The following MICAL2 variants were observed in gnomAD, a reference collection of about 807,000 sequenced individuals.
MICAL2 encodes [F-actin]-monooxygenase MICAL2.
A neutral mutation model predicts 127.3 loss-of-function variants in MICAL2; 77 were observed. That is an observed-to-expected ratio of 0.60 (90% confidence interval 0.50 to 0.73). The LOEUF (loss-of-function observed/expected upper bound fraction) is 0.73. MICAL2 is among the 30% of genes least tolerant of loss of function. The pLI is 0.00. For missense variants in MICAL2, 1,351 were observed against 1,434.4 expected, an observed-to-expected ratio of 0.94 and a Z score of 0.94; for synonymous variants, 570 against 551.1, an observed-to-expected ratio of 1.03 and a Z score of -0.48.
chr11:12,276,243 C>T lies in MICAL2; in HGVS notation c.87+77C>T. On this transcript the variant is annotated intron_variant, in intron 1 of 2. Transcript: ENST00000529028. ...AATCACATTTGGGATTGGGTCTTCTCTCTACTTGCTTGCAGTGTGGCCTCT... is the reference window on the plus strand; with the variant it reads ...AATCACATTTGGGATTGGGTCTTCTTTCTACTTGCTTGCAGTGTGGCCTCT... The T allele has an allele frequency of 5.0e-6, 2 of 398,480 alleles. 1 individual carries two copies. Among genetic ancestry groups the T allele is most frequent in the Non-Finnish European group, 8.8e-6 (2 of 226,084 alleles). The allele number at this position is 398,480 out of a possible 1,614,324, so 24.7% of individuals were successfully genotyped here. A position where few individuals can be genotyped will look rare whatever the true frequency, so the allele number is the denominator to read the frequency against.
intron 15 of MICAL2, among the ~76,000 whole-genome samples, chr11:12,235,923 C>G (rs887917300): frequency 6.6e-6 from 1 of 152,210 alleles, no homozygotes; most frequent in Non-Finnish European, 1.5e-5. Context: ...GTAATTCCAG[C>G]CCCTTCTGAC....
At chr11:12,261,316 A>C (rs1442793326) in intron 26 of MICAL2, 1 of 985,410 alleles carries the variant, frequency 1.0e-6, no homozygotes, top group African/African-American at 1.7e-5. Context: ...AAGCTCTACC[A>C]TATCTTGACT....
intron 15 of MICAL2, among the ~76,000 whole-genome samples, chr11:12,234,784 G>A (rs1471852760): frequency 6.6e-6 from 1 of 152,208 alleles, no homozygotes; most frequent in East Asian, 1.9e-4. Context: ...ATGCGTACTG[G>A]GTTGTGTGTT....
chr11:12,185,562 A>ATG (rs1565119005), intron 3 of MICAL2, among the ~76,000 whole-genome samples: 1 of 152,034 alleles, frequency 6.6e-6, no homozygotes, highest in Non-Finnish European at 1.5e-5. Context: ...CAAGTCTCTG[A>ATG]TGTGTGTTAG....
upstream of MICAL2, among the ~76,000 whole-genome samples, chr11:12,273,153 T>C (rs1863690686): frequency 6.6e-6 from 1 of 152,232 alleles, no homozygotes; most frequent in Non-Finnish European, 1.5e-5. Context: ...CCCCGTCCTC[T>C]GACAGAATAC....
At chr11:12,299,921 T>G (rs1314967900) in intron 29 of MICAL2, among the ~76,000 whole-genome samples, 1 of 152,198 alleles carries the variant, frequency 6.6e-6, no homozygotes, top group East Asian at 1.9e-4. Context: ...TTATAAAAAT[T>G]GAATCATTCA....
chr11:12,259,416 A>G (rs1354995095), intron 25 of MICAL2, among the ~76,000 whole-genome samples: 3 of 152,246 alleles, frequency 2.0e-5, no homozygotes, highest in Non-Finnish European at 4.4e-5. Context: ...TAAATGGTCA[A>G]TAATTTACTT....
rs141136512 is a variant in MICAL2 at position 12,241,120 on chromosome 11, G to A, written c.2295G>A (p.Pro765=). ...CTGTTCACTCTTGCTGCCCCAAGCCGGAGGAGGCCACACCCAGCCCATCAC... is the reference window on the plus strand; with the variant it reads ...CTGTTCACTCTTGCTGCCCCAAGCCAGAGGAGGCCACACCCAGCCCATCAC... ...GPPVHSCCPK[P]EEATPSPSPP... The change falls in exon 18 of 28, where the codon CCG becomes CCA. Residue 765 remains proline (P), a synonymous_variant. Transcript: ENST00000683283. The A allele has an allele frequency of 1.2e-4, 197 of 1,614,072 alleles. No homozygotes were observed. The East Asian group carries it at 2.5e-3, about 20-fold the overall frequency.
chr11:12,155,962 T>C (rs1854143991), intron 2 of MICAL2, among the ~76,000 whole-genome samples: 1 of 151,868 alleles, frequency 6.6e-6, no homozygotes, highest in Non-Finnish European at 1.5e-5. Context: ...ATGGATGAGG[T>C]GAGGAAGGGG....
chr11:12,175,888 G>A (rs1338139364), intron 3 of MICAL2, among the ~76,000 whole-genome samples: 1 of 152,066 alleles, frequency 6.6e-6, no homozygotes, highest in East Asian at 1.9e-4. Context: ...GGTGGTAAGA[G>A]ATGGGCCAGA....
chr11:12,180,863 T>A (rs151031540), intron 3 of MICAL2, among the ~76,000 whole-genome samples: 1,797 of 152,012 alleles, frequency 0.012, 18 homozygotes, highest in Non-Finnish European at 0.019. Flanking sequence ...CAACAGTTGA[T>A]CTTGGGTGAT....
chr11:12,113,260 A>T (rs1849741652), intron 1 of MICAL2, among the ~76,000 whole-genome samples: 1 of 152,204 alleles, frequency 6.6e-6, no homozygotes. Flanking sequence ...GAAAGGTTAC[A>T]ACTTGGCCGG....
intron 3 of MICAL2, among the ~76,000 whole-genome samples, chr11:12,188,267 A>G (rs1468123572): frequency 6.6e-6 from 1 of 152,210 alleles, no homozygotes; most frequent in Admixed American, 6.5e-5. Flanking sequence ...GAATATTGAA[A>G]TTAACTTCCT....
chr11:12,163,291 G>T (rs1855064288), intron 3 of MICAL2, among the ~76,000 whole-genome samples: 1 of 152,220 alleles, frequency 6.6e-6, no homozygotes, highest in South Asian at 2.1e-4. Flanking sequence ...GGGACTACCA[G>T]CCCTGAGCAC....
chr11:12,221,108 A>C (rs544354811), intron 9 of MICAL2, among the ~76,000 whole-genome samples: 74 of 152,304 alleles, frequency 4.9e-4, no homozygotes, highest in Non-Finnish European at 8.8e-4. Context: ...TTGTGCATGG[A>C]CTTGAACCTA....
At position 12,259,941 on chromosome 11, in the gene MICAL2, C is replaced by T. The variant is rs764250468; in HGVS notation, c.3334+44C>T. On this transcript the variant is annotated intron_variant, in intron 26 of 27. Coordinates refer to ENST00000683283, the MANE Select transcript of MICAL2 (RefSeq NM_001282663.2). ...TTAGGAAGGTGCTGGGCTGGCCCCT[C>T]AGGCTGCCGAGGGACCTGTGTAACT... is the stretch of plus-strand genomic sequence containing the variant. 5 of 1,601,696 alleles carry T rather than the reference C, an allele frequency of 3.1e-6. No homozygotes were observed. The Admixed American group carries it at 5.2e-5, about 17-fold the overall frequency.
intron 15 of MICAL2, among the ~76,000 whole-genome samples, chr11:12,230,673 C>A (rs1424219124): frequency 6.6e-6 from 1 of 151,936 alleles, no homozygotes; most frequent in African/African-American, 2.4e-5. Context: ...GGCTTAAGAA[C>A]CTCCCTCCCT....
At chr11:12,243,756 C>A (rs76064778) in intron 20 of MICAL2, among the ~76,000 whole-genome samples, 1 of 152,180 alleles carries the variant, frequency 6.6e-6, no homozygotes, top group East Asian at 1.9e-4. Flanking sequence ...TCTGCATGAG[C>A]TATTTCGGTG....
chr11:12,154,394 G>C (rs1239240274), intron 2 of MICAL2, among the ~76,000 whole-genome samples: 1 of 152,158 alleles, frequency 6.6e-6, no homozygotes, highest in Non-Finnish European at 1.5e-5. Context: ...GAGATGGACA[G>C]TCAGGGAAAG....
Sources: gnomAD v4.1 joint callset for allele counts (sites outside exome capture counted in the v4.1 genomes callset) on GRCh38, gnomAD v4.1.1 for gene constraint, MANE v1.5 for transcripts, NCBI Gene and HGNC (gene_info 2026-07-23, HGNC 2026-07-21) for gene names.